MYO16: variants seen among roughly 807,000 people sequenced by gnomAD.
MYO16 encodes the protein unconventional myosin-XVI.
In MYO16, 94 loss-of-function variants were observed where a neutral mutation model predicts 205.3. That is an observed-to-expected ratio of 0.46 (90% CI 0.39 to 0.54). The LOEUF is 0.54. Among genes scored for constraint, MYO16 ranks in the 20% least tolerant of loss-of-function variants. The pLI is 0.00. For synonymous variants in MYO16, 988 were observed against 954.0 expected, an observed-to-expected ratio of 1.04 and a Z score of -0.66; for missense variants, 2,315 against 2,387.5, an observed-to-expected ratio of 0.97 and a Z score of 0.63.
At chr13:109,037,145 C>A (rs574663230) in intron 23 of MYO16, among the ~76,000 whole-genome samples, 1 of 152,346 alleles carries the variant, frequency 6.6e-6, no homozygotes, top group Non-Finnish European at 1.5e-5. Flanking sequence ...CCTAGAAATG[C>A]TTCCATCTCA....
At chr13:108,707,139 A>C (rs1303756332) in intron 2 of MYO16, among the ~76,000 whole-genome samples, 1 of 152,168 alleles carries the variant, frequency 6.6e-6, no homozygotes, top group Non-Finnish European at 1.5e-5. Context: ...CTTCAGGCAG[A>C]GCACACCAAA....
At chr13:109,082,629 G>A (rs965323702) in intron 27 of MYO16, among the ~76,000 whole-genome samples, 1 of 152,092 alleles carries the variant, frequency 6.6e-6, no homozygotes, top group African/African-American at 2.4e-5. Context: ...GAGACCAGGA[G>A]TTCGAGACCA....
In MYO16 at chr13:109,078,491, A is replaced by G. The variant is rs560354086; in HGVS notation, c.3336-22294A>G. The stretch of plus-strand genomic sequence containing the variant: ...TTTAGTTTTTCTTCTAGTATCTATT[A>G]GTATACTAATTCCATTATCTGTGTA... On this transcript the variant is annotated intron_variant, in intron 27 of 34. Transcript: ENST00000457511. Among the ~76,000 whole-genome samples the G allele has an allele frequency of 4.6e-5, 7 of 152,308 alleles. No individual in the cohort carries two copies. In the East Asian group the frequency reaches 1.2e-3, roughly 25 times the overall value.
At chr13:108,759,575 AC>A (rs1885529226) in intron 4 of MYO16, among the ~76,000 whole-genome samples, 1 of 152,180 alleles carries the variant, frequency 6.6e-6, no homozygotes. Flanking sequence ...TAATCCCAGC[AC>A]TTTGGGAGGC....
chr13:108,874,177 G>C (rs948219108), intron 12 of MYO16, among the ~76,000 whole-genome samples: 1 of 151,166 alleles, frequency 6.6e-6, no homozygotes, highest in Non-Finnish European at 1.5e-5. Flanking sequence ...CAAGTCAAGA[G>C]GTTAGAAGGG....
chr13:108,956,109 C>CA lies in MYO16; in HGVS notation c.1926-1577dup, dbSNP rs141603762. 5.9e-3 allele frequency among the ~76,000 whole-genome samples: 893 copies of CA among 152,256 alleles called. 25 individuals are homozygous for CA. The highest frequency in any genetic ancestry group is 0.044 in the East Asian group (227 of 5,180). ...TCTTGGGACTACATTTAAACTTTAA[C>CA]AAGTAATTTAAAGTCAATATGTCTA... is the stretch of plus-strand genomic sequence containing the variant. On this transcript the variant is annotated intron_variant, in intron 16 of 34. Transcript: ENST00000457511.
intron 20 of MYO16, among the ~76,000 whole-genome samples, chr13:108,980,318 A>T (rs1372301525): frequency 1.3e-5 from 2 of 152,224 alleles, no homozygotes; most frequent in African/African-American, 4.8e-5. Flanking sequence ...GAAAAAATTC[A>T]TTGCACTGTT....
At chr13:109,049,871 C>T (rs1566481282) in intron 24 of MYO16, among the ~76,000 whole-genome samples, 1 of 151,122 alleles carries the variant, frequency 6.6e-6, no homozygotes, top group African/African-American at 2.4e-5. Context: ...TACCCTCTTG[C>T]TATCTTTCTT....
chr13:108,865,591 A>G (rs1034198839), intron 11 of MYO16, among the ~76,000 whole-genome samples: 2 of 151,740 alleles, frequency 1.3e-5, no homozygotes, highest in African/African-American at 4.8e-5. Context: ...AATACAATTT[A>G]TAATCTTTGT....
chr13:108,744,686 T>C (rs1013683023), intron 4 of MYO16, among the ~76,000 whole-genome samples: 1 of 152,210 alleles, frequency 6.6e-6, no homozygotes, highest in African/African-American at 2.4e-5. Context: ...TTTATCTTAC[T>C]TCATATATCT....
the MYO16 span, among the ~76,000 whole-genome samples, chr13:108,575,812 G>T: frequency 6.6e-6 from 1 of 152,128 alleles, no homozygotes; most frequent in Non-Finnish European, 1.5e-5. Flanking sequence ...TCCCAGCCCT[G>T]TACCTGGCAA....
At chr13:109,173,919 A>G (rs1312196963) in intron 33 of MYO16, among the ~76,000 whole-genome samples, 1 of 116,142 alleles carries the variant, frequency 8.6e-6, no homozygotes, top group African/African-American at 3.7e-5. Context: ...AAAAAAGAGT[A>G]TCTCTGAAAG....
chr13:108,681,821 A>G (rs1304747361), intron 2 of MYO16, among the ~76,000 whole-genome samples: 2 of 152,228 alleles, frequency 1.3e-5, no homozygotes, highest in Non-Finnish European at 2.9e-5. Flanking sequence ...ATTTGACTTC[A>G]GAGACTCTTT....
At chr13:108,548,201 A>T in the MYO16 span, among the ~76,000 whole-genome samples, 2 of 149,610 alleles carry the variant, frequency 1.3e-5, no homozygotes, top group East Asian at 4.1e-4. Flanking sequence ...GCTGCTGCAT[A>T]TGATAATGAT....
intron 20 of MYO16, among the ~76,000 whole-genome samples, chr13:108,990,706 G>A (rs9587733): frequency 0.023 from 3,553 of 151,902 alleles, 117 homozygotes; most frequent in Middle Eastern, 0.068. Context: ...ATTCTTTACC[G>A]TGAAATTTGT....
chr13:108,899,925 A>G (rs1880625739), intron 15 of MYO16, among the ~76,000 whole-genome samples: 1 of 152,230 alleles, frequency 6.6e-6, no homozygotes, highest in African/African-American at 2.4e-5. Context: ...CAGTTTAACA[A>G]GATTCCAGGT....
In MYO16 at chr13:109,162,761, T is replaced by C. The variant is rs967038802; in HGVS notation, c.5165-2140T>C. ...TGAATTAAAGAGTGCAAAAATAAAATAGGTGAAAGCAACATAAAAGCAGGT... is the reference window on the plus strand; with the variant it reads ...TGAATTAAAGAGTGCAAAAATAAAACAGGTGAAAGCAACATAAAAGCAGGT... On this transcript the variant is annotated intron_variant, in intron 32 of 34. Transcript: ENST00000457511. This position sits in a 1 kb window ranked among gnomAD's most constrained non-coding sequence, Gnocchi z 4.6. Among the ~76,000 whole-genome samples the C allele has an allele frequency of 3.3e-5, 5 of 152,012 alleles. No individual in the cohort carries two copies. In the South Asian group the frequency reaches 1.0e-3, roughly 32 times the overall value.
chr13:108,688,203 A>AT (rs796586095), intron 2 of MYO16, among the ~76,000 whole-genome samples: 2 of 151,938 alleles, frequency 1.3e-5, no homozygotes, highest in Non-Finnish European at 2.9e-5. Flanking sequence ...GAGCCTTGTA[A>AT]TTTTTTTCCC....
At chr13:109,204,843 C>G (rs1172527804) in intron 34 of MYO16, among the ~76,000 whole-genome samples, 1 of 152,176 alleles carries the variant, frequency 6.6e-6, no homozygotes, top group Non-Finnish European at 1.5e-5. Flanking sequence ...CTCTTAAGAG[C>G]TGACGAGTTA....
Sources: allele counts gnomAD v4.1 joint callset (sites outside exome capture counted in the v4.1 genomes callset), GRCh38; gene constraint gnomAD v4.1.1; non-coding constraint Gnocchi (gnomAD v3.1); transcripts MANE v1.5; gene names NCBI Gene and HGNC (gene_info 2026-07-23, HGNC 2026-07-21).